Variants in PI4K2A observed in about 807,000 individuals in gnomAD.
PI4K2A encodes phosphatidylinositol 4-kinase type 2-alpha.
Under a neutral mutation model 55.0 loss-of-function variants are expected in PI4K2A, and 20 were observed. The observed-to-expected ratio is 0.36, with a 90% CI of 0.26 to 0.53. The LOEUF is 0.53. Among genes scored for constraint, PI4K2A ranks in the 20% least tolerant of loss-of-function variants. The pLI is 0.91. For missense variants in PI4K2A, 463 were observed against 637.1 expected (o/e 0.73, Z 2.94); for synonymous variants, 235 against 258.5 (o/e 0.91, Z 0.87).
At chr10:97,665,432 G>A (rs774422016) in intron 6 of PI4K2A, among the ~76,000 whole-genome samples, 1 of 151,836 alleles carries the variant, frequency 6.6e-6, no homozygotes, top group Non-Finnish European at 1.5e-5. Flanking sequence ...GCGCCACCAC[G>A]CCCGGCTAAT....
intron 8 of PI4K2A, among the ~76,000 whole-genome samples, chr10:97,667,842 A>T (rs2041616929): frequency 6.6e-6 from 1 of 152,186 alleles, no homozygotes; most frequent in Non-Finnish European, 1.5e-5. Flanking sequence ...GATAGTAATA[A>T]TACGTTGCAC....
At chr10:97,666,894 G>C (rs113904480) in intron 7 of PI4K2A, among the ~76,000 whole-genome samples, 167 bp from the exon 8 acceptor site, 7 of 152,298 alleles carry the variant, frequency 4.6e-5, no homozygotes, top group African/African-American at 1.7e-4. Context: ...CTTGTTTTCT[G>C]TTTCCTCATC....
exon 5 of PI4K2A, chr10:97,662,923 C>G: frequency 6.2e-7 from 1 of 1,607,800 alleles, no homozygotes; most frequent in Non-Finnish European, 8.5e-7. Flanking sequence ...GCAATGACAA[C>G]TGGCTGATTA....
chr10:97,662,906 G>C lies in PI4K2A; in HGVS notation c.923-1G>C. 1 of 1,602,648 alleles carries C rather than the reference G, an allele frequency of 6.2e-7. No individual in the cohort carries two copies. The highest frequency in any genetic ancestry group is 1.1e-5 in the South Asian group (1 of 90,814). On this transcript the variant is annotated splice_acceptor_variant, in intron 4 of 8. Transcript: ENST00000370631. LOFTEE classifies it high-confidence loss of function. ...TGCTAACTTTATATTTCTGTTCACA[G>C]ATCGAGGCAATGACAACTGGCTGAT...
chr10:97,644,116 C>T (rs554232692), intron 1 of PI4K2A, among the ~76,000 whole-genome samples: 32 of 152,218 alleles, frequency 2.1e-4, no homozygotes, highest in East Asian at 1.2e-3. Context: ...TTTGGGAGGC[C>T]GAGGCAGGCG....
In PI4K2A at chr10:97,666,585, A is replaced by G. The variant is rs763681928; in HGVS notation, c.1218+14A>G. 1 of 1,598,412 alleles carries G rather than the reference A, an allele frequency of 6.3e-7. No individual in the cohort carries two copies. The highest frequency in any genetic ancestry group is 1.8e-5 in the Admixed American group (1 of 55,682). ...GAACTCTTCAAGGTTAGCCCTGGGA[A>G]CCTCAGCCCTATTATCATATGGGAG... On this transcript the variant is annotated intron_variant, in intron 7 of 8. Transcript: ENST00000370631.
At chr10:97,643,673 A>G (rs1253220781) in intron 1 of PI4K2A, among the ~76,000 whole-genome samples, 1 of 152,222 alleles carries the variant, frequency 6.6e-6, no homozygotes, top group Non-Finnish European at 1.5e-5. Context: ...TACTGCTTCC[A>G]GTGAAGAAAA....
intron 4 of PI4K2A, among the ~76,000 whole-genome samples, chr10:97,657,452 G>T (rs2041560227): frequency 6.6e-6 from 1 of 152,114 alleles, no homozygotes; most frequent in Admixed American, 6.6e-5. Flanking sequence ...CAGATCATTT[G>T]AGGCCGGGAG....
Position 97,656,807 on chromosome 10 carries a change from C to A in PI4K2A, c.769-14C>A. The A allele has an allele frequency of 1.2e-6, 2 of 1,613,690 alleles. No individual in the cohort carries two copies. Among genetic ancestry groups the A allele is most frequent in the Non-Finnish European group, 1.7e-6 (2 of 1,179,642 alleles). On this transcript the variant is annotated splice_polypyrimidine_tract_variant and intron_variant, in intron 3 of 8. Coordinates refer to ENST00000370631, the Ensembl canonical transcript of PI4K2A. The surrounding 1 kb of genome is among the most constrained non-coding windows in gnomAD (Gnocchi z 4.5). Reference sequence around the variant, plus strand: ...CAGTAGGGAAAAACCTTTGTTCCTTCCTCTTGGTTCCAGGTTGGTTCATTC... The same window carrying A: ...CAGTAGGGAAAAACCTTTGTTCCTTACTCTTGGTTCCAGGTTGGTTCATTC...
At chr10:97,673,486 T>C in intron 8 of PI4K2A, 95 bp from the exon 9 acceptor site, 3 of 956,566 alleles carry the variant, frequency 3.1e-6, no homozygotes, top group Middle Eastern at 2.2e-4. Context: ...TTTTAAAAAA[T>C]TGATTTGTAG....
At chr10:97,659,847 A>G (rs900758888) in intron 4 of PI4K2A, among the ~76,000 whole-genome samples, 2 of 152,068 alleles carry the variant, frequency 1.3e-5, no homozygotes, top group Admixed American at 1.3e-4. Flanking sequence ...AAATAATTAC[A>G]TCAGACAGAT....
chr10:97,661,868 T>TTG (rs2041585969), intron 4 of PI4K2A, among the ~76,000 whole-genome samples: 1 of 151,674 alleles, frequency 6.6e-6, no homozygotes, highest in African/African-American at 2.4e-5. Context: ...TTTTTTTTTT[T>TTG]TTGAGGCAGG....
At chr10:97,644,062 A>G (rs568812596) in intron 1 of PI4K2A, among the ~76,000 whole-genome samples, 1 of 152,174 alleles carries the variant, frequency 6.6e-6, no homozygotes, top group African/African-American at 2.4e-5. Flanking sequence ...CAGAATTTCC[A>G]TATTCTGGAC....
intron 1 of PI4K2A, among the ~76,000 whole-genome samples, chr10:97,642,589 C>T (rs1419445662): frequency 3.3e-5 from 5 of 151,466 alleles, no homozygotes; most frequent in Admixed American, 3.3e-4. Context: ...TTAGTAGAGA[C>T]CATGTTGGCC....
chr10:97,665,377 C>T (rs1303375361), intron 6 of PI4K2A, among the ~76,000 whole-genome samples: 1 of 152,104 alleles, frequency 6.6e-6, no homozygotes, highest in South Asian at 2.1e-4. Context: ...TGGGTTCAAG[C>T]GATTCTCCTG....
intron 4 of PI4K2A, among the ~76,000 whole-genome samples, chr10:97,659,932 CCT>C (rs1212293661): frequency 2.0e-5 from 3 of 152,004 alleles, no homozygotes; most frequent in Non-Finnish European, 2.9e-5. Flanking sequence ...TTCCCAGAAT[CCT>C]CTCTCTTAGA....
chr10:97,661,321 ACAT>A lies in PI4K2A; in HGVS notation c.923-1582_923-1580del, dbSNP rs550938442. Among the ~76,000 whole-genome samples the A allele has an allele frequency of 1.7e-3, 254 of 151,838 alleles. 1 individual carries two copies. Among genetic ancestry groups the A allele is most frequent in the African/African-American group, 5.9e-3 (245 of 41,400 alleles). Reference sequence around the variant, plus strand: ...TGGATTATTTTAAAGCAAATCTGAGACATCATTTTATAGCATCCATAGATACCT... The same window carrying A: ...TGGATTATTTTAAAGCAAATCTGAGACATTTTATAGCATCCATAGATACCT... On this transcript the variant is annotated intron_variant, in intron 4 of 8. Transcript: ENST00000370631.
intron 2 of PI4K2A, among the ~76,000 whole-genome samples, chr10:97,655,319 G>A (rs1412603814): frequency 1.4e-5 from 2 of 146,970 alleles, no homozygotes; most frequent in Non-Finnish European, 1.5e-5. Flanking sequence ...GCAGTGAGCC[G>A]AGACTGTGCC....
chr10:97,654,308 A>G (rs1241436778), intron 2 of PI4K2A, among the ~76,000 whole-genome samples: 1 of 152,174 alleles, frequency 6.6e-6, no homozygotes, highest in Admixed American at 6.6e-5. Flanking sequence ...AGGTAGCCTT[A>G]GGAAAGCTCT....
Sources: gnomAD v4.1 joint callset for allele counts (sites outside exome capture counted in the v4.1 genomes callset) on GRCh38, gnomAD v4.1.1 for gene constraint, Gnocchi (gnomAD v3.1) non-coding constraint, MANE v1.5 for transcripts, NCBI Gene and HGNC (gene_info 2026-07-23, HGNC 2026-07-21) for gene names.